Variants in NCAM1 observed in about 807,000 individuals in gnomAD.
The protein encoded by NCAM1 is antigen recognized by monoclonal antibody 5.1H11.
NCAM1 carries 14 observed loss-of-function variants against 109.8 expected under a neutral mutation model. The observed-to-expected ratio is 0.13, with a 90% CI of 0.08 to 0.20. NCAM1 has a LOEUF of 0.20. NCAM1 is among the 10% of genes least tolerant of loss of function. NCAM1 has a pLI of 1.00. For synonymous variants in NCAM1, 418 were observed against 442.9 expected, an observed-to-expected ratio of 0.94 and a Z score of 0.70; for missense variants, 774 against 1,109.9, an observed-to-expected ratio of 0.70 and a Z score of 4.30.
intron 1 of NCAM1, among the ~76,000 whole-genome samples, chr11:113,156,963 G>T (rs1942430897): frequency 1.3e-5 from 2 of 152,130 alleles, no homozygotes; most frequent in Non-Finnish European, 2.9e-5. Flanking sequence ...GATGGCCTGG[G>T]AAGAAATTGG....
chr11:112,981,565 G>T (rs1230209722), intron 1 of NCAM1, among the ~76,000 whole-genome samples: 1 of 151,680 alleles, frequency 6.6e-6, no homozygotes, highest in Non-Finnish European at 1.5e-5. Flanking sequence ...ATATCTTATG[G>T]GACTGCCCTT....
At chr11:113,030,122 C>T (rs1227294621) in intron 1 of NCAM1, among the ~76,000 whole-genome samples, 1 of 152,204 alleles carries the variant, frequency 6.6e-6, no homozygotes, top group Non-Finnish European at 1.5e-5. Flanking sequence ...AAACTTTCTG[C>T]ATCTTCGTTT....
At chr11:113,224,723 T>A (rs1944787588) in intron 9 of NCAM1, among the ~76,000 whole-genome samples, 1 of 152,282 alleles carries the variant, frequency 6.6e-6, no homozygotes, top group Admixed American at 6.5e-5. Flanking sequence ...CAGGTACCCC[T>A]CTGAGACAAA....
chr11:112,991,242 G>A (rs1555070530), intron 1 of NCAM1, among the ~76,000 whole-genome samples: 1 of 152,116 alleles, frequency 6.6e-6, no homozygotes, highest in Non-Finnish European at 1.5e-5. Context: ...AAATTTAATA[G>A]GAATAAAAGC....
chr11:113,185,756 C>T (rs1386138055), intron 1 of NCAM1, among the ~76,000 whole-genome samples: 5 of 152,112 alleles, frequency 3.3e-5, no homozygotes, highest in South Asian at 4.1e-4. Context: ...ATTTGCAATT[C>T]GTCAGTTATC....
At chr11:113,028,171 A>G (rs898068200) in intron 1 of NCAM1, among the ~76,000 whole-genome samples, 3 of 152,208 alleles carry the variant, frequency 2.0e-5, no homozygotes, top group Non-Finnish European at 4.4e-5. Flanking sequence ...AAGATAGCTA[A>G]CGAAGAAGAT....
chr11:112,972,401 T>G (rs1225287461), intron 1 of NCAM1, among the ~76,000 whole-genome samples: 2 of 152,168 alleles, frequency 1.3e-5, no homozygotes, highest in African/African-American at 4.8e-5. Context: ...CAGAATGATA[T>G]CTTGCCTATA....
intron 15 of NCAM1, among the ~76,000 whole-genome samples, chr11:113,252,405 CAAAAA>C (rs58848352): frequency 3.5e-5 from 3 of 84,730 alleles, no homozygotes; most frequent in Non-Finnish European, 5.3e-5. Flanking sequence ...GACCCTGTCT[CAAAAA>C]AAAAAAAAAA....
chr11:113,224,342 A>C (rs1322467931), intron 9 of NCAM1, among the ~76,000 whole-genome samples: 1 of 152,208 alleles, frequency 6.6e-6, no homozygotes, highest in Non-Finnish European at 1.5e-5. Flanking sequence ...TTGCTAGCAC[A>C]GCAGTCTGAG....
intron 1 of NCAM1, among the ~76,000 whole-genome samples, chr11:113,121,313 C>G (rs1038670016): frequency 5.3e-5 from 8 of 150,566 alleles, no homozygotes; most frequent in African/African-American, 2.0e-4. Context: ...CTCTGCCCCC[C>G]AGGTTCAAGT....
intron 1 of NCAM1, among the ~76,000 whole-genome samples, chr11:113,028,059 C>G: frequency 6.6e-6 from 1 of 152,038 alleles, no homozygotes; most frequent in East Asian, 1.9e-4. Context: ...AAGGGGTGGG[C>G]AAGCTGGGAA....
At chr11:113,122,969 T>C (rs112861232) in intron 1 of NCAM1, among the ~76,000 whole-genome samples, 20 of 152,236 alleles carry the variant, frequency 1.3e-4, no homozygotes, top group African/African-American at 4.6e-4. Context: ...AAGACAAATA[T>C]TGTATGTTCT....
chr11:113,011,447 G>A (rs1318728516), intron 1 of NCAM1, among the ~76,000 whole-genome samples: 1 of 149,958 alleles, frequency 6.7e-6, no homozygotes, highest in Non-Finnish European at 1.5e-5. Context: ...CTTTATAGCA[G>A]CATGATTTAT....
At chr11:113,105,881 G>C (rs960063850) in intron 1 of NCAM1, among the ~76,000 whole-genome samples, 3 of 152,148 alleles carry the variant, frequency 2.0e-5, no homozygotes, top group African/African-American at 7.2e-5. Context: ...TCTTTAAAAG[G>C]CTGAATCATT....
rs1370410434 is a variant in NCAM1 at position 113,105,846 on chromosome 11, CTG to C, written c.53-96530_53-96529del. Among the ~76,000 whole-genome samples the C allele has an allele frequency of 1.1e-4, 17 of 152,212 alleles. No individual in the cohort carries two copies. The South Asian group carries it at 1.9e-3, about 17-fold the overall frequency. On this transcript the variant is annotated intron_variant, in intron 1 of 19. Coordinates refer to ENST00000316851, the MANE Select transcript of NCAM1 (RefSeq NM_181351.5). ...AATTAGTGGCGCTGGTTGCCCAACT[CTG>C]TGAATATATTAAAAGCCACTAATCT...
chr11:113,093,763 C>G (rs782322421), intron 1 of NCAM1, among the ~76,000 whole-genome samples: 104 of 152,194 alleles, frequency 6.8e-4, no homozygotes, highest in South Asian at 1.0e-3. Context: ...TACTTAAAAG[C>G]AAGTAAGCAG....
chr11:113,247,677 A>G (rs1945542229), intron 15 of NCAM1, among the ~76,000 whole-genome samples: 1 of 152,184 alleles, frequency 6.6e-6, no homozygotes, highest in Admixed American at 6.5e-5. Context: ...GGGTATGTAC[A>G]TTGCATGAAA....
intron 1 of NCAM1, among the ~76,000 whole-genome samples, chr11:113,052,746 A>G (rs1241346772): frequency 6.6e-6 from 1 of 152,148 alleles, no homozygotes; most frequent in Admixed American, 6.5e-5. Flanking sequence ...GGTTTATTAC[A>G]TAGGTAAACG....
rs71060298 is a variant in NCAM1 at position 113,271,369 on chromosome 11, C to CAAAAA, written c.2340-368_2340-364dup. Among the ~76,000 whole-genome samples, 529 of 66,822 alleles carry CAAAAA rather than the reference C, an allele frequency of 7.9e-3. 3 individuals carry two copies. Among genetic ancestry groups the CAAAAA allele is most frequent in the Middle Eastern group, 0.019 (1 of 54 alleles). The allele number at this position is 66,822 out of a possible 152,430, so 43.8% of individuals were successfully genotyped here. A position where few individuals can be genotyped will look rare whatever the true frequency, so the allele number is the denominator to read the frequency against. ...TGGGCGACATAGAGAGACTCTGTCT[C>CAAAAA]AAAAAAAAAAAAAAAAAAAAAAAAA... is the stretch of plus-strand genomic sequence containing the variant. On this transcript the variant is annotated intron_variant, in intron 18 of 19. Coordinates refer to ENST00000316851, the MANE Select transcript of NCAM1 (RefSeq NM_181351.5).
Sources: gnomAD v4.1 joint callset for allele counts (sites outside exome capture counted in the v4.1 genomes callset) on GRCh38, gnomAD v4.1.1 for gene constraint, MANE v1.5 for transcripts, NCBI Gene and HGNC (gene_info 2026-07-23, HGNC 2026-07-21) for gene names.